The following PTPN3 variants were observed in gnomAD, a reference collection of about 807,000 sequenced individuals.
PTPN3 encodes tyrosine-protein phosphatase non-receptor type 3.
A neutral mutation model predicts 132.7 loss-of-function variants in PTPN3; 96 were observed. The observed-to-expected ratio is 0.72, with a 90% CI of 0.61 to 0.86. The LOEUF (loss-of-function observed/expected upper bound fraction) is 0.86, where lower values mean the gene tolerates loss of function less well. PTPN3 is among the 40% of genes least tolerant of loss of function. The pLI, the probability that PTPN3 is intolerant of heterozygous loss-of-function variation, is 0.00. For synonymous variants in PTPN3, 398 were observed against 429.0 expected (o/e 0.93, Z 0.89); for missense variants, 1,125 against 1,159.6 (o/e 0.97, Z 0.43).
chr9:109,462,808 G>C (rs1426097746), intron 2 of PTPN3, among the ~76,000 whole-genome samples: 1 of 152,032 alleles, frequency 6.6e-6, no homozygotes, highest in Non-Finnish European at 1.5e-5. Flanking sequence ...AGCACATGCT[G>C]TGTGCCCAGC....
At chr9:109,443,453 C>T (rs1441869153) in intron 7 of PTPN3, among the ~76,000 whole-genome samples, 1 of 152,122 alleles carries the variant, frequency 6.6e-6, no homozygotes, top group East Asian at 1.9e-4. Context: ...TCAAGGGATC[C>T]TCCCGTCTCA....
intron 5 of PTPN3, chr9:109,449,505 T>A: frequency 1.0e-6 from 1 of 985,494 alleles, no homozygotes; most frequent in Non-Finnish European, 1.2e-6. Context: ...ACTCCAGACC[T>A]GTTTTGTGGG....
the PTPN3 span, among the ~76,000 whole-genome samples, chr9:109,531,277 C>CCT: frequency 6.6e-6 from 1 of 152,144 alleles, no homozygotes; most frequent in Admixed American, 6.5e-5. Flanking sequence ...CCATTCTGCC[C>CCT]CTACCATAAC....
chr9:109,397,795 T>C (rs1012500634), intron 19 of PTPN3: 4 of 152,188 alleles, frequency 2.6e-5, no homozygotes, highest in Non-Finnish European at 4.4e-5. Context: ...CAATAAGTTA[T>C]GGCAGCACTT....
the PTPN3 span, among the ~76,000 whole-genome samples, chr9:109,531,650 C>T: frequency 0.07 from 10,640 of 152,188 alleles, 472 homozygotes; most frequent in South Asian, 0.17. Context: ...TGGTCAGGCT[C>T]CTAGAAGCTG....
At chr9:109,420,780 T>C (rs1023323510) in intron 13 of PTPN3, among the ~76,000 whole-genome samples, 180 bp from the exon 14 acceptor site, 1 of 152,078 alleles carries the variant, frequency 6.6e-6, no homozygotes, top group African/African-American at 2.4e-5. Flanking sequence ...GTGACACAAA[T>C]CCCTAACACT....
At chr9:109,406,700 G>C in intron 17 of PTPN3, 82 bp from the exon 18 acceptor site, 1 of 1,540,026 alleles carries the variant, frequency 6.5e-7, no homozygotes. Context: ...TCTGCTCCCA[G>C]ACACCTGGGA....
intron 2 of PTPN3, 59 bp from the exon 3 acceptor site, chr9:109,457,458 T>C: frequency 1.5e-6 from 2 of 1,378,588 alleles, no homozygotes; most frequent in Non-Finnish European, 2.0e-6. Flanking sequence ...GGTAAAAACA[T>C]CTTTACTGTA....
intron 16 of PTPN3, among the ~76,000 whole-genome samples, chr9:109,409,635 C>T (rs1392548766): frequency 1.3e-5 from 2 of 152,028 alleles, no homozygotes; most frequent in Non-Finnish European, 2.9e-5. Flanking sequence ...GCTTGGACAA[C>T]ATGGTGAAAC....
intron 7 of PTPN3, among the ~76,000 whole-genome samples, chr9:109,438,722 G>A (rs890828861): frequency 8.5e-5 from 13 of 152,148 alleles, no homozygotes; most frequent in African/African-American, 2.2e-4. Context: ...AGGCCATGCC[G>A]ACCTGACCAC....
At chr9:109,421,506 C>G (rs1228869277) in intron 13 of PTPN3, among the ~76,000 whole-genome samples, 2 of 152,294 alleles carry the variant, frequency 1.3e-5, no homozygotes, top group Admixed American at 1.3e-4. Flanking sequence ...AGGAGAGGAC[C>G]TATAAATAGC....
chr9:109,511,920 G>T, the PTPN3 span, among the ~76,000 whole-genome samples: 1 of 152,144 alleles, frequency 6.6e-6, no homozygotes, highest in African/African-American at 2.4e-5. Context: ...TTATATCCCA[G>T]TTCCTGGAAT....
intron 14 of PTPN3, among the ~76,000 whole-genome samples, chr9:109,413,882 G>A (rs866675996): frequency 3.9e-5 from 6 of 152,088 alleles, no homozygotes; most frequent in African/African-American, 1.4e-4. Context: ...AGACACTCCC[G>A]CACGAAGCTC....
At chr9:109,511,528 A>G in the PTPN3 span, 2 of 153,746 alleles carry the variant, frequency 1.3e-5, no homozygotes, top group Non-Finnish European at 2.9e-5. Context: ...ACAGGCAGAT[A>G]TGTGATAGGC....
At chr9:109,439,434 G>A (rs1052221740) in intron 7 of PTPN3, among the ~76,000 whole-genome samples, 5 of 152,016 alleles carry the variant, frequency 3.3e-5, no homozygotes, top group Non-Finnish European at 5.9e-5. Context: ...CCTGTAGCTC[G>A]CTGCAATGCC....
At chr9:109,472,526 T>C (rs1016060255) in intron 1 of PTPN3, among the ~76,000 whole-genome samples, 2 of 152,270 alleles carry the variant, frequency 1.3e-5, no homozygotes, top group Non-Finnish European at 2.9e-5. Flanking sequence ...CAGTTTTCAT[T>C]TGTGAAATGC....
At chr9:109,405,030 G>GT (rs1169374443) in intron 18 of PTPN3, among the ~76,000 whole-genome samples, 3 of 152,092 alleles carry the variant, frequency 2.0e-5, no homozygotes, top group Non-Finnish European at 4.4e-5. Context: ...TGAGGGTGAG[G>GT]TCCCAAGCTT....
chr9:109,489,480 TAAATCC>T (rs1847359586), intron 1 of PTPN3, among the ~76,000 whole-genome samples: 1 of 152,170 alleles, frequency 6.6e-6, no homozygotes, highest in South Asian at 2.1e-4. Context: ...AAGTCACTCT[TAAATCC>T]GGACGTGACC....
Position 109,381,802 on chromosome 9 carries a change from G to A in PTPN3, c.2529-15C>T, listed in dbSNP as rs753601352. On this transcript the variant is annotated splice_polypyrimidine_tract_variant and intron_variant, in intron 24 of 25. Coordinates refer to ENST00000374541, the MANE Select transcript of PTPN3 (RefSeq NM_002829.4). ...CTATTCCAGCACTGGAGAGGGGAGA[G>A]AAGACAGACTTGGGATTTGTCTGAG... is the stretch of plus-strand genomic sequence containing the variant. 1 of 1,614,062 alleles carries A rather than the reference G, an allele frequency of 6.2e-7. No homozygotes were observed.
Sources: allele counts gnomAD v4.1 joint callset (sites outside exome capture counted in the v4.1 genomes callset), GRCh38; gene constraint gnomAD v4.1.1; transcripts MANE v1.5; gene names NCBI Gene and HGNC (gene_info 2026-07-23, HGNC 2026-07-21).